ERMARD: variants seen among roughly 807,000 people sequenced by gnomAD.
The protein encoded by ERMARD is ER membrane associated RNA degradation.
A neutral mutation model predicts 83.9 loss-of-function variants in ERMARD; 71 were observed. The observed-to-expected ratio is 0.85, with a 90% CI of 0.70 to 1.03. The LOEUF (loss-of-function observed/expected upper bound fraction) is 1.03, where lower values mean the gene tolerates loss of function less well. ERMARD is among the 50% of genes least tolerant of loss of function. The pLI is 0.00. For missense variants in ERMARD, 838 were observed against 810.9 expected (o/e 1.03, Z -0.41); for synonymous variants, 284 against 298.6 (o/e 0.95, Z 0.50).
intron 2 of ERMARD, among the ~76,000 whole-genome samples, chr6:169,754,858 T>C (rs1371541190): frequency 6.6e-6 from 1 of 152,150 alleles, no homozygotes; most frequent in South Asian, 2.1e-4. Context: ...AAACAATTCA[T>C]TGCCATTAGA....
chr6:169,751,691 TC>T, intron 1 of ERMARD, 28 bp downstream of exon 1: 1 of 1,544,086 alleles, frequency 6.5e-7, no homozygotes, highest in Non-Finnish European at 8.7e-7. Flanking sequence ...CCCGGTTCGA[TC>T]CCGAGCTAGG....
At chr6:169,754,475 A>T (rs1164172705) in intron 2 of ERMARD, among the ~76,000 whole-genome samples, 1 of 152,232 alleles carries the variant, frequency 6.6e-6, no homozygotes, top group Non-Finnish European at 1.5e-5. Context: ...ACAGATGAAC[A>T]TACTCTGGCC....
intron 4 of ERMARD, 100 bp downstream of exon 4, chr6:169,756,539 A>G: frequency 9.6e-7 from 1 of 1,040,128 alleles, no homozygotes; most frequent in East Asian, 2.5e-5. Context: ...ATTTTCCTAT[A>G]AGATAAAATC....
chr6:169,758,990 T>C lies in ERMARD; in HGVS notation c.530T>C (p.Val177Ala). ...QSVMNVLKVF[V>A]GSPCGLNLRN... The stretch of plus-strand genomic sequence containing the variant: ...TAGATGAATGTGCTAAAAGTCTTCG[T>C]TGGCTCTCCGTGTGGTCTCAACCTG... Residue 177 changes from valine (V) to alanine (A), a missense_variant, in exon 6 of 18, where the codon GTT becomes GCT. Coordinates refer to ENST00000366773, the MANE Select transcript of ERMARD (RefSeq NM_018341.3). The C allele has an allele frequency of 1.9e-6, 3 of 1,614,010 alleles. No individual in the cohort carries two copies. The highest frequency in any genetic ancestry group is 1.7e-5 in the Admixed American group (1 of 59,988).
chr6:169,776,721 T>G (rs1793652269), intron 16 of ERMARD, 48 bp downstream of exon 16: 2 of 1,598,496 alleles, frequency 1.3e-6, no homozygotes, highest in African/African-American at 1.3e-5. Flanking sequence ...GGGCAGGAAG[T>G]TGTCACAGAT....
intron 17 of ERMARD, among the ~76,000 whole-genome samples, chr6:169,779,507 T>TG (rs1002639275): frequency 2.6e-4 from 39 of 152,136 alleles, no homozygotes; most frequent in African/African-American, 8.0e-4. Flanking sequence ...TGTTTTGTTT[T>TG]TTTTGGAGAC....
intron 9 of ERMARD, among the ~76,000 whole-genome samples, chr6:169,763,379 G>A (rs1321750020): frequency 2.0e-5 from 3 of 152,180 alleles, no homozygotes; most frequent in Admixed American, 6.6e-5. Context: ...GGCTCCAGCC[G>A]GCTGTGTCAG....
chr6:169,751,601 G>A, upstream of ERMARD: 2 of 1,592,814 alleles, frequency 1.3e-6, no homozygotes, highest in South Asian at 1.1e-5. Context: ...GCGCCTGGAG[G>A]AGGGGCGCGC....
rs778130668 is a variant in ERMARD, at chr6:169,758,977, C to G, written c.517C>G (p.Leu173Val). The change falls in exon 6 of 18, where the codon CTA becomes GTA. Residue 173 changes from leucine (L) to valine (V), a missense_variant. Leu to Val is a conservative substitution (Grantham distance 32). Coordinates refer to ENST00000366773, the MANE Select transcript of ERMARD (RefSeq NM_018341.3). ...QVFSQSVMNV[L>V]KVFVGSPCGL... ...ATGATTTGCGGATTAGATGAATGTG[C>G]TAAAAGTCTTCGTTGGCTCTCCGTG... The G allele has an allele frequency of 6.2e-7, 1 of 1,613,702 alleles. No homozygotes were observed. The highest frequency in any genetic ancestry group is 1.7e-5 in the Admixed American group (1 of 59,952).
In ERMARD at chr6:169,762,368, C is replaced by T. The variant is rs567936661; in HGVS notation, c.858-61C>T. ...GGGATTACAGGCATGAGCCACTGCA[C>T]CTGGCCTAATATTTATTTTTGAAAT... On this transcript the variant is annotated intron_variant, in intron 8 of 17. Coordinates refer to ENST00000366773, the MANE Select transcript of ERMARD (RefSeq NM_018341.3). The T allele has an allele frequency of 3.2e-5, 48 of 1,489,112 alleles. No homozygotes were observed. In the African/African-American group the frequency reaches 5.4e-4, roughly 17 times the overall value. 92.2% of individuals were successfully genotyped at this position (1,489,112 alleles called of 1,614,324 possible).
chr6:169,778,093 C>T (rs528653457), intron 16 of ERMARD, among the ~76,000 whole-genome samples: 4 of 152,308 alleles, frequency 2.6e-5, no homozygotes, highest in Admixed American at 2.0e-4. Flanking sequence ...GTTCACCTAA[C>T]GTGCACAGCT....
chr6:169,763,068 C>T (rs1198637409), intron 9 of ERMARD, among the ~76,000 whole-genome samples: 6 of 152,176 alleles, frequency 3.9e-5, no homozygotes, highest in Non-Finnish European at 7.4e-5. Context: ...TCCACATTGA[C>T]CCCCGGTCGC....
chr6:169,769,943 T>C (rs1343433848), intron 12 of ERMARD, among the ~76,000 whole-genome samples: 1 of 152,200 alleles, frequency 6.6e-6, no homozygotes, highest in African/African-American at 2.4e-5. Context: ...TAAAAACACA[T>C]TTGCTTTTGT....
intron 14 of ERMARD, 151 bp from the exon 15 acceptor site, chr6:169,775,789 A>G: frequency 2.9e-6 from 3 of 1,026,312 alleles, no homozygotes; most frequent in East Asian, 2.6e-5. Context: ...TCTCCACTGT[A>G]TTGTCATGGT....
At position 169,775,477 on chromosome 6, in the gene ERMARD, T is replaced by TG. The variant is rs972136890; in HGVS notation, c.1394+132dup. 22 of 1,002,384 alleles carry TG rather than the reference T, an allele frequency of 2.2e-5. No individual in the cohort carries two copies. In the African/African-American group the frequency reaches 3.2e-4, roughly 15 times the overall value. 62.1% of individuals were successfully genotyped at this position (1,002,384 alleles called of 1,614,324 possible). A position where few individuals can be genotyped will look rare whatever the true frequency, so the allele number is the denominator to read the frequency against. On this transcript the variant is annotated intron_variant, in intron 14 of 17. Coordinates refer to ENST00000366773, the MANE Select transcript of ERMARD (RefSeq NM_018341.3). ...GGAATTTCTGGGCCTTGGTGGCTGATGCAGGCTGTGGGGAGCTGGAAGTGT... is the reference window on the plus strand; with the variant it reads ...GGAATTTCTGGGCCTTGGTGGCTGATGGCAGGCTGTGGGGAGCTGGAAGTGT...
At chr6:169,775,418 T>G in intron 14 of ERMARD, 72 bp downstream of exon 14, 1 of 1,523,226 alleles carries the variant, frequency 6.6e-7, no homozygotes. Flanking sequence ...CATTTCTTCT[T>G]TAACGAGGCT....
intron 9 of ERMARD, 143 bp from the exon 10 acceptor site, chr6:169,766,495 T>C (rs747004737): frequency 1.7e-6 from 1 of 586,648 alleles, no homozygotes; most frequent in Non-Finnish European, 2.9e-6. Flanking sequence ...ATTCCTCTCA[T>C]AGTGTTTCTA....
chr6:169,760,528 T>TCA lies in ERMARD; in HGVS notation c.743-112_743-111dup, dbSNP rs902862699. ...TCTAACAAGTCCCCTGCTGCAGGGG[T>TCA]CACGGTTCAGCCACCTAAAGGGGTT... On this transcript the variant is annotated intron_variant, in intron 7 of 17. Transcript: ENST00000366773. 5.9e-5 allele frequency: 42 copies of TCA among 712,420 alleles called. No homozygotes were observed. In the African/African-American group the frequency reaches 6.8e-4, roughly 12 times the overall value. The allele number at this position is 712,420 out of a possible 1,614,324, so 44.1% of individuals were successfully genotyped here. A position where few individuals can be genotyped will look rare whatever the true frequency, so the allele number is the denominator to read the frequency against.
In ERMARD at chr6:169,781,368, T is replaced by C; in HGVS notation, c.1892T>C (p.Val631Ala). The change falls in exon 18 of 18, where the codon GTG becomes GCG. Residue 631 changes from valine (V) to alanine (A), a missense_variant. Transcript: ENST00000366773. ...ATCTTGCAGTACACGGAGAACCTGG[T>C]GGCTTACACCAGTTACGAAAAGAAC... is the stretch of plus-strand genomic sequence containing the variant. ...KSILQYTENL[V>A]AYTSYEKNKW... The C allele has an allele frequency of 6.2e-7, 1 of 1,611,714 alleles. No homozygotes were observed. The highest frequency in any genetic ancestry group is 1.1e-5 in the South Asian group (1 of 89,684).
Sources: allele counts gnomAD v4.1 joint callset (sites outside exome capture counted in the v4.1 genomes callset), GRCh38; gene constraint gnomAD v4.1.1; transcripts MANE v1.5; gene names NCBI Gene and HGNC (gene_info 2026-07-23, HGNC 2026-07-21).